RASSF5: variants seen among roughly 807,000 people sequenced by gnomAD.
RASSF5 encodes the protein ras association domain-containing protein 5.
In RASSF5, 25 loss-of-function variants were observed where a neutral mutation model predicts 40.5. That is an observed-to-expected ratio of 0.62 (90% confidence interval 0.45 to 0.86). The LOEUF (loss-of-function observed/expected upper bound fraction) is 0.86, where lower values mean the gene tolerates loss of function less well. Ranked by LOEUF, RASSF5 falls within the 40% of genes least tolerant of loss-of-function variation. The pLI is 0.00. For missense variants in RASSF5, 521 were observed against 572.8 expected, an observed-to-expected ratio of 0.91 and a Z score of 0.92; for synonymous variants, 246 against 252.4, an observed-to-expected ratio of 0.97 and a Z score of 0.24.
intron 2 of RASSF5, among the ~76,000 whole-genome samples, chr1:206,573,183 C>T (rs1479187301): frequency 1.3e-5 from 2 of 152,228 alleles, no homozygotes; most frequent in African/African-American, 2.4e-5. Context: ...AAATCAGTCT[C>T]CGTGTGGTGG....
At chr1:206,554,745 C>G (rs1667938528) in intron 2 of RASSF5, among the ~76,000 whole-genome samples, 1 of 152,166 alleles carries the variant, frequency 6.6e-6, no homozygotes, top group African/African-American at 2.4e-5. Flanking sequence ...TTCAGGGAGT[C>G]CTGTCTTCCT....
At chr1:206,537,280 A>C (rs1435532716) in intron 1 of RASSF5, among the ~76,000 whole-genome samples, 1 of 152,076 alleles carries the variant, frequency 6.6e-6, no homozygotes, top group Non-Finnish European at 1.5e-5. Context: ...GGAAGTGAAC[A>C]TTGTCGATGG....
chr1:206,570,156 A>G (rs1668404412), intron 2 of RASSF5, among the ~76,000 whole-genome samples: 1 of 142,320 alleles, frequency 7.0e-6, no homozygotes, highest in African/African-American at 2.7e-5. Flanking sequence ...TAGTGGTGCA[A>G]TATTGGCTCA....
chr1:206,519,919 A>T (rs1553395849), intron 1 of RASSF5, among the ~76,000 whole-genome samples: 3 of 152,176 alleles, frequency 2.0e-5, no homozygotes, highest in African/African-American at 7.2e-5. Flanking sequence ...TGTGACCTTC[A>T]CTGAGAAGAG....
At chr1:206,567,713 G>A (rs1668325809) in intron 2 of RASSF5, among the ~76,000 whole-genome samples, 1 of 152,146 alleles carries the variant, frequency 6.6e-6, no homozygotes, top group South Asian at 2.1e-4. Context: ...GGTGTGTGGA[G>A]GTATAAGGCT....
At chr1:206,525,696 C>T (rs1257030703) in intron 1 of RASSF5, among the ~76,000 whole-genome samples, 1 of 152,236 alleles carries the variant, frequency 6.6e-6, no homozygotes, top group Non-Finnish European at 1.5e-5. Context: ...AAGCAATCCT[C>T]CTGCCTCAGC....
At chr1:206,574,915 A>G (rs1170809380) in intron 2 of RASSF5, among the ~76,000 whole-genome samples, 8 of 137,360 alleles carry the variant, frequency 5.8e-5, no homozygotes, top group African/African-American at 2.2e-4. Context: ...GCTGGAGTGC[A>G]GTGGCGCAAT....
At chr1:206,520,532 G>A (rs1016803112) in intron 1 of RASSF5, among the ~76,000 whole-genome samples, 5 of 151,878 alleles carry the variant, frequency 3.3e-5, no homozygotes, top group Admixed American at 1.3e-4. Flanking sequence ...GCTTGAATCC[G>A]GGAGGCGGAG....
chr1:206,531,748 T>C lies in RASSF5; in HGVS notation c.458-6424T>C, dbSNP rs1255108988. Among the ~76,000 whole-genome samples, 1 of 152,144 alleles carries C rather than the reference T, an allele frequency of 6.6e-6. No individual in the cohort carries two copies. The highest frequency in any genetic ancestry group is 2.4e-5 in the African/African-American group (1 of 41,444). ...ATCAGGACAAGCTTTACACCTGCCCTTTTAAAACTTTGGTAAATTGAGCCA... is the reference window on the plus strand; with the variant it reads ...ATCAGGACAAGCTTTACACCTGCCCCTTTAAAACTTTGGTAAATTGAGCCA... On this transcript the variant is annotated intron_variant, in intron 1 of 5. Transcript: ENST00000579436. The surrounding 1 kb of genome is among the most constrained non-coding windows in gnomAD (Gnocchi z 4.7).
At position 206,579,723 on chromosome 1, in the gene RASSF5, G is replaced by A. The variant is rs1553405876; in HGVS notation, c.580-3546G>A. Reference sequence around the variant, plus strand: ...CAATTAAATCAGAATCTCCAGGGATGAAGCCCAGGCAGCTAAGTTTCTAAA... The same window carrying A: ...CAATTAAATCAGAATCTCCAGGGATAAAGCCCAGGCAGCTAAGTTTCTAAA... On this transcript the variant is annotated intron_variant, in intron 2 of 5. Coordinates refer to ENST00000579436, the MANE Select transcript of RASSF5 (RefSeq NM_182663.4). The surrounding 1 kb of genome is among the most constrained non-coding windows in gnomAD (Gnocchi z 4.2). Among the ~76,000 whole-genome samples the A allele has an allele frequency of 6.6e-6, 1 of 152,206 alleles. No individual in the cohort carries two copies. Among genetic ancestry groups the A allele is most frequent in the Non-Finnish European group, 1.5e-5 (1 of 68,034 alleles).
Position 206,587,544 on chromosome 1 carries a change from C to G in RASSF5, c.*566C>G, listed in dbSNP as rs1669168018. 1 of 161,864 alleles carries G rather than the reference C, an allele frequency of 6.2e-6. No homozygotes were observed. Among genetic ancestry groups the G allele is most frequent in the African/African-American group, 2.4e-5 (1 of 41,486 alleles). The allele number at this position is 161,864 out of a possible 1,614,324, so 10.0% of individuals were successfully genotyped here. A position where few individuals can be genotyped will look rare whatever the true frequency, so the allele number is the denominator to read the frequency against. On this transcript the variant is annotated 3_prime_UTR_variant, in exon 6 of 6. Coordinates refer to ENST00000579436, the MANE Select transcript of RASSF5 (RefSeq NM_182663.4). ...TAAGGGAAGTTTATAAAGCTACTGG[C>G]CCCAGATGCTCAGGGTAAGGAGCAC... is the stretch of plus-strand genomic sequence containing the variant.
chr1:206,567,530 C>T (rs1668321289), intron 2 of RASSF5, among the ~76,000 whole-genome samples: 1 of 152,096 alleles, frequency 6.6e-6, no homozygotes, highest in Admixed American at 6.6e-5. Context: ...GGGAGCCTGT[C>T]CCTGGGCCTG....
At chr1:206,577,372 G>A (rs184062432) in intron 2 of RASSF5, among the ~76,000 whole-genome samples, 10 of 152,236 alleles carry the variant, frequency 6.6e-5, no homozygotes, top group South Asian at 4.1e-4. Flanking sequence ...TGCTTTCCTG[G>A]GATGATAGTC....
chr1:206,586,632 T>G, intron 5 of RASSF5, 194 bp from the exon 6 acceptor site: 1 of 576,332 alleles, frequency 1.7e-6, no homozygotes, highest in Non-Finnish European at 3.1e-6. Context: ...GATGCCAGCA[T>G]TTGGAATTTT....
chr1:206,575,773 GAA>G (rs1553405101), intron 2 of RASSF5, among the ~76,000 whole-genome samples: 1 of 152,246 alleles, frequency 6.6e-6, no homozygotes, highest in East Asian at 1.9e-4. Flanking sequence ...CCTGAGAGGG[GAA>G]GTAGCTCCCC....
At chr1:206,534,952 C>A (rs574514740) in intron 1 of RASSF5, among the ~76,000 whole-genome samples, 2 of 152,110 alleles carry the variant, frequency 1.3e-5, no homozygotes, top group Admixed American at 1.3e-4. Flanking sequence ...AGCACCTGGC[C>A]GGGTGCGGTG....
chr1:206,528,410 G>A (rs1667151624), intron 1 of RASSF5, among the ~76,000 whole-genome samples: 1 of 152,186 alleles, frequency 6.6e-6, no homozygotes, highest in Non-Finnish European at 1.5e-5. Flanking sequence ...TAGAGAGGAA[G>A]AAGGGATAAA....
intron 2 of RASSF5, among the ~76,000 whole-genome samples, chr1:206,539,187 G>T (rs1667487803): frequency 1.3e-5 from 2 of 152,278 alleles, no homozygotes; most frequent in African/African-American, 4.8e-5. Flanking sequence ...AATAAGTTTC[G>T]AGTGTTCACC....
chr1:206,583,379 G>C lies in RASSF5; in HGVS notation c.690G>C (p.Leu230=). The change falls in exon 3 of 6, where the codon CTG becomes CTC. Residue 230 remains leucine, a splice_region_variant and synonymous_variant. Coordinates refer to ENST00000579436, the MANE Select transcript of RASSF5 (RefSeq NM_182663.4). ...AGAAGAACTGCCTGGGCATGAAACT[G>C]GTAAGCGCCCGTCCACCCTCAACCT... ...TREKNCLGMK[L]SEDGTYTGFI... 6.2e-7 allele frequency: 1 copy of C among 1,600,994 alleles called. No individual in the cohort carries two copies. Among genetic ancestry groups the C allele is most frequent in the Non-Finnish European group, 8.6e-7 (1 of 1,168,196 alleles).
Sources: allele counts gnomAD v4.1 joint callset (sites outside exome capture counted in the v4.1 genomes callset), GRCh38; gene constraint gnomAD v4.1.1; non-coding constraint Gnocchi (gnomAD v3.1); transcripts MANE v1.5; gene names NCBI Gene and HGNC (gene_info 2026-07-23, HGNC 2026-07-21).